Variants in PCDHGA5 observed in about 807,000 individuals in gnomAD.
PCDHGA5 encodes protocadherin gamma-A5.
Under a neutral mutation model 56.7 loss-of-function variants are expected in PCDHGA5, and 36 were observed. The observed-to-expected ratio is 0.64, with a 90% CI of 0.49 to 0.84. PCDHGA5 has a LOEUF of 0.84. PCDHGA5 is among the 40% of genes least tolerant of loss of function. The pLI is 0.00. For missense variants in PCDHGA5, 1,305 were observed against 1,201.5 expected (o/e 1.09, Z -1.27); for synonymous variants, 563 against 520.2 (o/e 1.08, Z -1.12).
At chr5:141,441,073 G>A (rs1591647632) in intron 1 of PCDHGA5, 1 of 152,152 alleles carries the variant, frequency 6.6e-6, no homozygotes, top group Non-Finnish European at 1.5e-5. Flanking sequence ...AATTTCCATG[G>A]TTTTGGTAGC....
Position 141,454,782 on chromosome 5 carries a change from C to A in PCDHGA5, c.2422-40025C>A, listed in dbSNP as rs116242508. On this transcript the variant is annotated intron_variant, in intron 1 of 3. Transcript: ENST00000518069. ...GACATGTTTTTTACAAGGAAATAAT[C>A]CTCCATGGTTCTAATTTTTTTTTTT... is the stretch of plus-strand genomic sequence containing the variant. 8.4e-3 allele frequency among the ~76,000 whole-genome samples: 1,205 copies of A among 143,216 alleles called. 20 individuals are homozygous for A. Among genetic ancestry groups the A allele is most frequent in the African/African-American group, 0.03 (1,150 of 37,952 alleles). The allele number at this position is 143,216 out of a possible 152,430, so 94.0% of individuals were successfully genotyped here. A position where few individuals can be genotyped will look rare whatever the true frequency, so the allele number is the denominator to read the frequency against.
At chr5:141,433,362 T>C (rs1285511534) in intron 1 of PCDHGA5, 6 of 299,814 alleles carry the variant, frequency 2.0e-5, no homozygotes, top group Non-Finnish European at 2.5e-5. Flanking sequence ...TGTCTGCCTA[T>C]CTATCTATCT....
rs755163825 is a variant in PCDHGA5, at chr5:141,491,048, C to A, written c.2422-3759C>A. 6.2e-6 allele frequency: 10 copies of A among 1,613,948 alleles called. No individual in the cohort carries two copies. Among genetic ancestry groups the A allele is most frequent in the Non-Finnish European group, 7.6e-6 (9 of 1,179,960 alleles). ...GTGGATGCTGATGCAGGCCACAATG[C>A]GTGGCTCTCCTACTCACTGTTGCCA... On this transcript the variant is annotated intron_variant, in intron 1 of 3. Coordinates refer to ENST00000518069, the MANE Select transcript of PCDHGA5 (RefSeq NM_018918.3). The surrounding 1 kb of genome is among the most constrained non-coding windows in gnomAD (Gnocchi z 6.9).
chr5:141,451,216 A>G (rs1561943760), intron 1 of PCDHGA5, among the ~76,000 whole-genome samples: 1 of 152,204 alleles, frequency 6.6e-6, no homozygotes, highest in Non-Finnish European at 1.5e-5. Context: ...TTAGTGGCTT[A>G]AAAGAAGCAT....
At chr5:141,370,659 C>T (rs1394525404) in intron 1 of PCDHGA5, 1 of 1,613,780 alleles carries the variant, frequency 6.2e-7, no homozygotes, top group South Asian at 1.1e-5. Context: ...TGTGAGCGAC[C>T]GTATAGACCG....
rs530001704 is a variant in PCDHGA5, at chr5:141,434,708, ATC to A, written c.2422-60095_2422-60094del. 3.9e-3 allele frequency among the ~76,000 whole-genome samples: 589 copies of A among 152,052 alleles called. 6 individuals are homozygous for A. The highest frequency in any genetic ancestry group is 0.011 in the Admixed American group (170 of 15,250). ...TTGCTGTTAATAAATATGTGGGTAA[ATC>A]TCTGTTCAGGGCTCTCAGCTCTGAA... On this transcript the variant is annotated intron_variant, in intron 1 of 3. Coordinates refer to ENST00000518069, the MANE Select transcript of PCDHGA5 (RefSeq NM_018918.3).
At chr5:141,473,439 A>G (rs2099322281) in intron 1 of PCDHGA5, among the ~76,000 whole-genome samples, 1 of 152,210 alleles carries the variant, frequency 6.6e-6, no homozygotes, top group African/African-American at 2.4e-5. Flanking sequence ...TTGCTTATGC[A>G]AAAATAATTA....
chr5:141,399,797 G>C lies in PCDHGA5; in HGVS notation c.2421+33046G>C, dbSNP rs760211919. On this transcript the variant is annotated intron_variant, in intron 1 of 3. Coordinates refer to ENST00000518069, the MANE Select transcript of PCDHGA5 (RefSeq NM_018918.3). ...GGCGACCGAAACGACAACGCACCGC[G>C]GGTGCTGTACCCCGCGCTGGGTCCC... 4.3e-6 allele frequency: 7 copies of C among 1,613,192 alleles called. No homozygotes were observed. In the South Asian group the frequency reaches 7.7e-5, roughly 18 times the overall value.
Position 141,434,824 on chromosome 5 carries a change from A to C in PCDHGA5, c.2422-59983A>C, listed in dbSNP as rs143305842. ...CTTGGAGAAATATATCCCTTAGTACACTTGGCATTTATAAAGCAGACATCA... is the reference window on the plus strand; with the variant it reads ...CTTGGAGAAATATATCCCTTAGTACCCTTGGCATTTATAAAGCAGACATCA... On this transcript the variant is annotated intron_variant, in intron 1 of 3. Coordinates refer to ENST00000518069, the MANE Select transcript of PCDHGA5 (RefSeq NM_018918.3). 7.9e-4 allele frequency among the ~76,000 whole-genome samples: 120 copies of C among 152,004 alleles called. 2 individuals are homozygous for C. The highest frequency in any genetic ancestry group is 2.8e-3 in the African/African-American group (115 of 41,454).
intron 1 of PCDHGA5, chr5:141,403,857 C>T (rs1431988074): frequency 6.2e-7 from 1 of 1,613,412 alleles, no homozygotes; most frequent in South Asian, 1.1e-5. Flanking sequence ...GGGGAAATAT[C>T]AACAGCAAAA....
chr5:141,477,379 A>C lies in PCDHGA5; in HGVS notation c.2422-17428A>C, dbSNP rs1293075706. The stretch of plus-strand genomic sequence containing the variant: ...CAGACCTGGATCGGGAGACTGTGCC[A>C]GAATACAACCTCAGCATCACCGCCC... On this transcript the variant is annotated intron_variant, in intron 1 of 3. Transcript: ENST00000518069. This position sits in a 1 kb window ranked among gnomAD's most constrained non-coding sequence, Gnocchi z 4.9. 2 of 1,614,184 alleles carry C rather than the reference A, an allele frequency of 1.2e-6. No homozygotes were observed. Among genetic ancestry groups the C allele is most frequent in the Non-Finnish European group, 1.7e-6 (2 of 1,180,034 alleles).
intron 1 of PCDHGA5, among the ~76,000 whole-genome samples, chr5:141,461,980 C>G (rs759291534): frequency 9.2e-5 from 14 of 152,176 alleles, no homozygotes; most frequent in Non-Finnish European, 1.5e-4. Flanking sequence ...TATGCCACCA[C>G]GCCAGGCTAA....
chr5:141,414,193 A>C, intron 1 of PCDHGA5: 1 of 1,610,884 alleles, frequency 6.2e-7, no homozygotes, highest in Admixed American at 1.7e-5. Context: ...AGTGTTGATT[A>C]CAGTAGAAGA....
intron 1 of PCDHGA5, chr5:141,399,924 G>A: frequency 6.2e-7 from 1 of 1,612,346 alleles, no homozygotes; most frequent in Non-Finnish European, 8.5e-7. Context: ...ACAACGCCTG[G>A]CTGTCCTACC....
chr5:141,509,308 C>G (rs943174290), intron 3 of PCDHGA5, among the ~76,000 whole-genome samples: 6 of 152,152 alleles, frequency 3.9e-5, no homozygotes, highest in African/African-American at 1.4e-4. Flanking sequence ...CAGAGGGAGG[C>G]TGGGAGAGAA....
chr5:141,372,305 C>T (rs749468095), intron 1 of PCDHGA5: 5 of 1,613,260 alleles, frequency 3.1e-6, no homozygotes, highest in South Asian at 1.1e-5. Context: ...ACAGGGAGGC[C>T]GCCCGCCAGC....
rs1298454674 is a variant in PCDHGA5, at chr5:141,438,625, TATATATATATAC to T, written c.2422-56180_2422-56169del. 7.7e-3 allele frequency among the ~76,000 whole-genome samples: 357 copies of T among 46,390 alleles called. 5 individuals are homozygous for T. The East Asian group carries it at 0.082, about 11-fold the overall frequency. 30.4% of individuals were successfully genotyped at this position (46,390 alleles called of 152,430 possible). A position where few individuals can be genotyped will look rare whatever the true frequency, so the allele number is the denominator to read the frequency against. On this transcript the variant is annotated intron_variant, in intron 1 of 3. Transcript: ENST00000518069. ...ATATATATATATATATATATATATATATATATATATACACACACACACACACATATATGTATA... is the reference window on the plus strand; with the variant it reads ...ATATATATATATATATATATATATATACACACACACACACATATATGTATA...
intron 1 of PCDHGA5, chr5:141,400,401 G>T (rs760681088): frequency 3.1e-6 from 5 of 1,613,936 alleles, no homozygotes; most frequent in Non-Finnish European, 4.2e-6. Context: ...CAGGAAAGAC[G>T]GAGTTTAATT....
Position 141,487,650 on chromosome 5 carries a change from G to A in PCDHGA5, c.2422-7157G>A. On this transcript the variant is annotated intron_variant, in intron 1 of 3. Transcript: ENST00000518069. The surrounding 1 kb of genome is among the most constrained non-coding windows in gnomAD (Gnocchi z 5.0). ...TTGCAGGCTCAACAAATGCTTGAGGGTTATTCTGATCCAGGCATATGGCTA... is the reference window on the plus strand; with the variant it reads ...TTGCAGGCTCAACAAATGCTTGAGGATTATTCTGATCCAGGCATATGGCTA... 1 of 1,613,994 alleles carries A rather than the reference G, an allele frequency of 6.2e-7. No individual in the cohort carries two copies. Among genetic ancestry groups the A allele is most frequent in the Non-Finnish European group, 8.5e-7 (1 of 1,179,954 alleles).
Sources: gnomAD v4.1 joint callset for allele counts (sites outside exome capture counted in the v4.1 genomes callset) on GRCh38, gnomAD v4.1.1 for gene constraint, Gnocchi (gnomAD v3.1) non-coding constraint, MANE v1.5 for transcripts, NCBI Gene and HGNC (gene_info 2026-07-23, HGNC 2026-07-21) for gene names.